The following SH3KBP1 variants were observed in gnomAD, a reference collection of about 807,000 sequenced individuals.
SH3KBP1 encodes SH3 domain containing kinase binding protein 1.
SH3KBP1 carries 8 observed loss-of-function variants against 50.1 expected under a neutral mutation model. That is an observed-to-expected ratio of 0.16 (90% CI 0.09 to 0.29). The LOEUF (loss-of-function observed/expected upper bound fraction) is 0.29, where lower values mean the gene tolerates loss of function less well. Among genes scored for constraint, SH3KBP1 ranks in the 10% least tolerant of loss-of-function variants. The pLI, the probability that SH3KBP1 is intolerant of heterozygous loss-of-function variation, is 1.00. For synonymous variants in SH3KBP1, 227 were observed against 218.6 expected, an observed-to-expected ratio of 1.04 and a Z score of -0.34; for missense variants, 377 against 535.2, an observed-to-expected ratio of 0.70 and a Z score of 2.92.
chrX:19,555,993 T>C (rs1047816998), intron 13 of SH3KBP1, among the ~76,000 whole-genome samples: 2 of 112,120 alleles, frequency 1.8e-5, no homozygotes, highest in African/African-American at 6.5e-5. Flanking sequence ...AAGCTATGGC[T>C]TTTCTCTCTG....
Position 19,537,747 on chromosome X carries a change from A to G in SH3KBP1, c.1926T>C (p.Asp642=). The G allele has an allele frequency of 8.3e-6, 10 of 1,211,560 alleles. No individual in the cohort carries two copies. Among genetic ancestry groups the G allele is most frequent in the Non-Finnish European group, 1.1e-5 (10 of 895,288 alleles). Residue 642 remains aspartate (D), a synonymous_variant, in exon 17 of 18, where the codon GAT becomes GAC. Transcript: ENST00000397821. The part of the protein sequence containing the change: ...REIKQLLSEL[D]EEKKIRLRLQ... ...ACCGAAGCCGGATTTTCTTCTCTTC[A>G]TCCAACTCAGACAATAACTGTTTAA... is the stretch of plus-strand genomic sequence containing the variant.
chrX:19,729,451 G>A (rs1767631656), intron 3 of SH3KBP1, among the ~76,000 whole-genome samples: 1 of 112,395 alleles, frequency 8.9e-6, no homozygotes, highest in African/African-American at 3.2e-5. Context: ...TGCTGCCTAG[G>A]TTTGGTCATT....
At chrX:19,664,228 T>C (rs192136347) in intron 6 of SH3KBP1, among the ~76,000 whole-genome samples, 18 of 111,982 alleles carry the variant, frequency 1.6e-4, no homozygotes, top group Non-Finnish European at 2.1e-4. Context: ...CCACTGTTTC[T>C]CTACCACTCC....
chrX:19,730,351 GT>G (rs751401898), intron 3 of SH3KBP1, among the ~76,000 whole-genome samples: 2 of 111,906 alleles, frequency 1.8e-5, no homozygotes, highest in African/African-American at 3.3e-5. Context: ...GTGTTCATTT[GT>G]TTGCTTTAAT....
intron 1 of SH3KBP1, among the ~76,000 whole-genome samples, chrX:19,838,137 C>T (rs745459896): frequency 8.9e-6 from 1 of 111,911 alleles, no homozygotes; most frequent in African/African-American, 3.3e-5. Flanking sequence ...TTTAAGCATC[C>T]ATTGAGATGA....
intron 6 of SH3KBP1, among the ~76,000 whole-genome samples, chrX:19,678,980 T>C (rs1407830525): frequency 1.8e-5 from 2 of 111,809 alleles, no homozygotes; most frequent in Admixed American, 1.9e-4. Flanking sequence ...ACACATCATC[T>C]GTGCTATCTC....
intron 3 of SH3KBP1, among the ~76,000 whole-genome samples, chrX:19,734,136 C>T (rs1199169419): frequency 2.7e-5 from 3 of 112,246 alleles, no homozygotes; most frequent in Non-Finnish European, 3.8e-5. Flanking sequence ...CTAGCAGAGG[C>T]TCTTTCTACG....
At chrX:19,700,235 AT>A (rs972076559) in intron 4 of SH3KBP1, among the ~76,000 whole-genome samples, 25 of 110,541 alleles carry the variant, frequency 2.3e-4, no homozygotes, top group Non-Finnish European at 4.6e-4. Context: ...TTTTCCTCAA[AT>A]TTTTTTTTCA....
chrX:19,612,409 A>G (rs1013766316), intron 8 of SH3KBP1, among the ~76,000 whole-genome samples: 6 of 111,232 alleles, frequency 5.4e-5, no homozygotes, highest in African/African-American at 2.0e-4. Context: ...GATTACAGGC[A>G]CCTGCCACCA....
rs921930671 is a variant in SH3KBP1 at position 19,843,175 on chromosome X, C to T, written c.5-6893G>A. Among the ~76,000 whole-genome samples, 2 of 106,480 alleles carry T rather than the reference C, an allele frequency of 1.9e-5. 1 individual carries two copies. Among genetic ancestry groups the T allele is most frequent in the African/African-American group, 6.8e-5 (2 of 29,467 alleles). 92.5% of individuals were successfully genotyped at this position (106,480 alleles called of 115,157 possible). A position where few individuals can be genotyped will look rare whatever the true frequency, so the allele number is the denominator to read the frequency against. On this transcript the variant is annotated intron_variant, in intron 1 of 17. Coordinates refer to ENST00000397821, the MANE Select transcript of SH3KBP1 (RefSeq NM_031892.3). ...CTGGGATTACAGGCACCTGCCACAACGCCCAGCTAATTTTTGTATTTTTTA... is the reference window on the plus strand; with the variant it reads ...CTGGGATTACAGGCACCTGCCACAATGCCCAGCTAATTTTTGTATTTTTTA...
chrX:19,652,560 T>C (rs770543715), intron 6 of SH3KBP1, among the ~76,000 whole-genome samples: 1 of 111,821 alleles, frequency 8.9e-6, no homozygotes, highest in Non-Finnish European at 1.9e-5. Context: ...TCCAAAACAC[T>C]TAACCCCATA....
At chrX:19,619,169 G>A (rs866701784) in intron 8 of SH3KBP1, among the ~76,000 whole-genome samples, 3 of 111,221 alleles carry the variant, frequency 2.7e-5, no homozygotes, top group African/African-American at 6.5e-5. Flanking sequence ...CCAGCTACTC[G>A]GGAGGCCGAG....
At chrX:19,853,157 C>T (rs753749636) in intron 1 of SH3KBP1, among the ~76,000 whole-genome samples, 5 of 111,819 alleles carry the variant, frequency 4.5e-5, no homozygotes, top group African/African-American at 1.3e-4. Flanking sequence ...TGCGTGTGCA[C>T]GTGTGTGTGT....
intron 2 of SH3KBP1, among the ~76,000 whole-genome samples, chrX:19,768,732 A>T (rs910003391): frequency 3.4e-4 from 37 of 109,266 alleles, no homozygotes; most frequent in African/African-American, 1.2e-3. Context: ...ATTTTCCAAG[A>T]CTGACCCCCA....
chrX:19,572,524 A>ACTCT (rs771313565), intron 12 of SH3KBP1, among the ~76,000 whole-genome samples: 1 of 104,334 alleles, frequency 9.6e-6, no homozygotes, highest in African/African-American at 3.5e-5. Flanking sequence ...ACATATATGT[A>ACTCT]CTCTCTCTCT....
intron 12 of SH3KBP1, among the ~76,000 whole-genome samples, chrX:19,582,360 T>C (rs936659876): frequency 1.2e-4 from 13 of 112,017 alleles, no homozygotes; most frequent in African/African-American, 3.9e-4. Context: ...CACTGGCTTG[T>C]AGAACACTGG....
At chrX:19,767,444 G>GA (rs1490833476) in intron 2 of SH3KBP1, among the ~76,000 whole-genome samples, 1 of 112,518 alleles carries the variant, frequency 8.9e-6, no homozygotes, top group Non-Finnish European at 1.9e-5. Context: ...ATGCTCAGCT[G>GA]AATTTCTGAG....
intron 17 of SH3KBP1, 78 bp from the exon 18 acceptor site, chrX:19,536,536 C>T (rs962232670): frequency 6.4e-6 from 4 of 624,838 alleles, no homozygotes; most frequent in South Asian, 3.1e-5. Context: ...ATTATCAACC[C>T]GGTCGACTGA....
At chrX:19,835,500 G>C (rs2068034798) in intron 2 of SH3KBP1, among the ~76,000 whole-genome samples, 1 of 110,916 alleles carries the variant, frequency 9.0e-6, no homozygotes, top group South Asian at 3.7e-4. Flanking sequence ...CCTCCATTTT[G>C]CAAGGAATAG....
Sources: allele counts gnomAD v4.1 joint callset (sites outside exome capture counted in the v4.1 genomes callset), GRCh38; gene constraint gnomAD v4.1.1; transcripts MANE v1.5; gene names NCBI Gene and HGNC (gene_info 2026-07-23, HGNC 2026-07-21).